The following PCDHGA6 variants were observed in gnomAD, a reference collection of about 807,000 sequenced individuals.
PCDHGA6 encodes the protein protocadherin gamma subfamily A, 6, also known as protocadherin gamma-A6.
Under a neutral mutation model 60.6 loss-of-function variants are expected in PCDHGA6, and 41 were observed. The ratio of observed to expected loss-of-function variants is 0.68; its 90% CI spans 0.53 to 0.88. The LOEUF is 0.88. Ranked by LOEUF, PCDHGA6 falls within the 40% of genes least tolerant of loss-of-function variation. The pLI is 0.00. For missense variants in PCDHGA6, 1,312 were observed against 1,203.0 expected (o/e 1.09, Z -1.34); for synonymous variants, 594 against 524.4 (o/e 1.13, Z -1.81).
intron 1 of PCDHGA6, chr5:141,422,041 G>A (rs371079504): frequency 2.1e-5 from 34 of 1,611,632 alleles, no homozygotes; most frequent in Non-Finnish European, 2.9e-5. Flanking sequence ...GGATCCAGAC[G>A]AGGGAATCAA....
chr5:141,497,385 C>T (rs2154592097), intron 2 of PCDHGA6, among the ~76,000 whole-genome samples: 1 of 152,212 alleles, frequency 6.6e-6, no homozygotes, highest in African/African-American at 2.4e-5. Flanking sequence ...GGGGTGAGCA[C>T]CTTACCCCTG....
chr5:141,389,705 G>A (rs770533850), intron 1 of PCDHGA6: 2 of 1,612,552 alleles, frequency 1.2e-6, no homozygotes, highest in Admixed American at 3.3e-5. Context: ...ACCACGTGCT[G>A]CAGGCTAGCG....
chr5:141,490,874 A>C lies in PCDHGA6; in HGVS notation c.2425-3933A>C. 1 of 1,613,948 alleles carries C rather than the reference A, an allele frequency of 6.2e-7. No homozygotes were observed. The highest frequency in any genetic ancestry group is 1.3e-5 in the African/African-American group (1 of 75,054). The stretch of plus-strand genomic sequence containing the variant: ...CGAGACTCCGGCTCTCCCCCATTGC[A>C]TGCCAACACATCTCTGCATGTGTTT... On this transcript the variant is annotated intron_variant, in intron 1 of 3. Coordinates refer to ENST00000517434, the MANE Select transcript of PCDHGA6 (RefSeq NM_018919.3). The surrounding 1 kb of genome is among the most constrained non-coding windows in gnomAD (Gnocchi z 5.4).
chr5:141,423,300 G>T, intron 1 of PCDHGA6: 2 of 1,614,146 alleles, frequency 1.2e-6, no homozygotes, highest in African/African-American at 1.3e-5. Context: ...CAGACCTCTC[G>T]CTGTACTTGG....
At chr5:141,423,139 G>T (rs2096713828) in intron 1 of PCDHGA6, 4 of 1,613,498 alleles carry the variant, frequency 2.5e-6, no homozygotes, top group Non-Finnish European at 3.4e-6. Flanking sequence ...GGACAGAGAC[G>T]CGCTCAAGCA....
intron 1 of PCDHGA6, among the ~76,000 whole-genome samples, chr5:141,430,366 A>G (rs551419486): frequency 3.3e-5 from 5 of 150,370 alleles, no homozygotes; most frequent in Admixed American, 6.7e-5. Context: ...CTCATTGGGG[A>G]AAAAAAAGCT....
intron 1 of PCDHGA6, chr5:141,384,111 G>A: frequency 6.2e-7 from 1 of 1,604,746 alleles, no homozygotes; most frequent in Non-Finnish European, 8.5e-7. Context: ...ATTATAGATT[G>A]GTCACAACCA....
chr5:141,465,448 A>G (rs2099103302), intron 1 of PCDHGA6, among the ~76,000 whole-genome samples: 2 of 152,192 alleles, frequency 1.3e-5, no homozygotes, highest in Admixed American at 1.3e-4. Flanking sequence ...TTACCCAAGA[A>G]AACTCTCACC....
At chr5:141,424,055 C>T (rs2096796946) in intron 1 of PCDHGA6, 1 of 1,007,784 alleles carries the variant, frequency 9.9e-7, no homozygotes. Flanking sequence ...TTTTGCTGTG[C>T]CTTCACTGAT....
At chr5:141,430,935 T>G (rs748546768) in intron 1 of PCDHGA6, 1 of 1,607,814 alleles carries the variant, frequency 6.2e-7, no homozygotes. Context: ...CCCCGGGAGC[T>G]CGCGGAGCGC....
In PCDHGA6 at chr5:141,432,071, A is replaced by G; in HGVS notation, c.2424+55564A>G. On this transcript the variant is annotated intron_variant, in intron 1 of 3. Transcript: ENST00000517434. The surrounding 1 kb of genome is among the most constrained non-coding windows in gnomAD (Gnocchi z 6.0). ...CCCGCCCCTATCCACGGAAACTCAT[A>G]TCTCGCTGAACGTGGCAGACACCAA... is the stretch of plus-strand genomic sequence containing the variant. 2 of 1,614,158 alleles carry G rather than the reference A, an allele frequency of 1.2e-6. No individual in the cohort carries two copies. The highest frequency in any genetic ancestry group is 1.7e-6 in the Non-Finnish European group (2 of 1,180,032).
In PCDHGA6 at chr5:141,394,778, C is replaced by T. The variant is rs377451053; in HGVS notation, c.2424+18271C>T. ...AGGACCATGGCCAGCCCCCTCTCTC[C>T]GCCACTGTCACGCTCACCGTAGCCG... On this transcript the variant is annotated intron_variant, in intron 1 of 3. Transcript: ENST00000517434. 8 of 1,613,514 alleles carry T rather than the reference C, an allele frequency of 5.0e-6. No individual in the cohort carries two copies. In the South Asian group the frequency reaches 7.7e-5, roughly 15 times the overall value.
rs182682202 is a variant in PCDHGA6 at position 141,445,418 on chromosome 5, T to A, written c.2425-49389T>A. Among the ~76,000 whole-genome samples the A allele has an allele frequency of 2.2e-3, 335 of 152,310 alleles. 1 individual carries two copies. Among genetic ancestry groups the A allele is most frequent in the Middle Eastern group, 0.01 (3 of 294 alleles). Reference sequence around the variant, plus strand: ...ACAAATATTTATTAACTGTCTGCTATATGCAAGGCACTGACCTATGGACTA... The same window carrying A: ...ACAAATATTTATTAACTGTCTGCTAAATGCAAGGCACTGACCTATGGACTA... On this transcript the variant is annotated intron_variant, in intron 1 of 3. Transcript: ENST00000517434.
intron 1 of PCDHGA6, chr5:141,385,540 G>T: frequency 1.5e-6 from 2 of 1,323,840 alleles, no homozygotes; most frequent in Non-Finnish European, 1.9e-6. Context: ...ATGAATATGT[G>T]GACTATCACA....
intron 1 of PCDHGA6, chr5:141,383,026 T>A (rs767610901): frequency 6.2e-7 from 1 of 1,613,590 alleles, no homozygotes; most frequent in Non-Finnish European, 8.5e-7. Context: ...GGACAAAGGG[T>A]CCTTTGTGGG....
chr5:141,419,435 C>T, intron 1 of PCDHGA6: 1 of 1,613,226 alleles, frequency 6.2e-7, no homozygotes, highest in Non-Finnish European at 8.5e-7. Context: ...CGAGCAGCTG[C>T]GCACCTTCGA....
intron 1 of PCDHGA6, among the ~76,000 whole-genome samples, chr5:141,453,076 G>A (rs2098755408): frequency 1.3e-5 from 2 of 151,984 alleles, no homozygotes; most frequent in Admixed American, 6.6e-5. Flanking sequence ...CCACACTCTG[G>A]TTGATTAGTA....
intron 1 of PCDHGA6, among the ~76,000 whole-genome samples, chr5:141,456,083 G>A (rs2098842632): frequency 6.6e-6 from 1 of 151,960 alleles, no homozygotes; most frequent in South Asian, 2.1e-4. Context: ...ATTTTCAGTA[G>A]AGACGGGATT....
rs762138055 is a variant in PCDHGA6, at chr5:141,490,757, T to C, written c.2425-4050T>C. 6.2e-7 allele frequency: 1 copy of C among 1,613,918 alleles called. No homozygotes were observed. The highest frequency in any genetic ancestry group is 2.2e-5 in the East Asian group (1 of 44,892). On this transcript the variant is annotated intron_variant, in intron 1 of 3. Coordinates refer to ENST00000517434, the MANE Select transcript of PCDHGA6 (RefSeq NM_018919.3). The surrounding 1 kb of genome is among the most constrained non-coding windows in gnomAD (Gnocchi z 5.4). ...GTTCAGGGAGCCCCAGCCTCCTCCT[T>C]TGTGTATGTCAACCCAGAGGATGGA...
Sources: gnomAD v4.1 joint callset for allele counts (sites outside exome capture counted in the v4.1 genomes callset) on GRCh38, gnomAD v4.1.1 for gene constraint, Gnocchi (gnomAD v3.1) non-coding constraint, MANE v1.5 for transcripts, NCBI Gene and HGNC (gene_info 2026-07-23, HGNC 2026-07-21) for gene names.